The following DNAH11 variants were observed in gnomAD, a reference collection of about 807,000 sequenced individuals.
The protein encoded by DNAH11 is axonemal beta dynein heavy chain 11.
A neutral mutation model predicts 526.0 loss-of-function variants in DNAH11; 442 were observed. The observed-to-expected ratio is 0.84, with a 90% CI of 0.78 to 0.91. The LOEUF is 0.91. DNAH11 is among the 40% of genes least tolerant of loss of function. DNAH11 has a pLI of 0.00. For synonymous variants in DNAH11, 2,461 were observed against 1,935.9 expected, an observed-to-expected ratio of 1.27 and a Z score of -7.12; for missense variants, 6,989 against 5,448.7, an observed-to-expected ratio of 1.28 and a Z score of -8.90.
chr7:21,681,057 C>T (rs148634768), intron 30 of DNAH11, among the ~76,000 whole-genome samples: 2 of 152,284 alleles, frequency 1.3e-5, no homozygotes, highest in African/African-American at 2.4e-5. Flanking sequence ...TCTTGTCCTT[C>T]ATCTGTGTGA....
At chr7:21,780,243 A>G (rs1787879406) in intron 57 of DNAH11, among the ~76,000 whole-genome samples, 1 of 152,168 alleles carries the variant, frequency 6.6e-6, no homozygotes, top group Non-Finnish European at 1.5e-5. Context: ...AGATAAGTGG[A>G]GAATGTCCTT....
intron 65 of DNAH11, among the ~76,000 whole-genome samples, chr7:21,840,009 A>C (rs1782144901): frequency 6.6e-6 from 1 of 152,230 alleles, no homozygotes; most frequent in Non-Finnish European, 1.5e-5. Flanking sequence ...TTGTCTCATT[A>C]AAAATGTTTC....
At chr7:21,885,169 T>TGTAAAAAAAAAAAAAA (rs367811733) in intron 76 of DNAH11, among the ~76,000 whole-genome samples, 3 of 89,434 alleles carry the variant, frequency 3.4e-5, no homozygotes, top group Non-Finnish European at 7.0e-5. Flanking sequence ...CCAAATGAAC[T>TGTAAAAAAAAAAAAAA]ATAAAAAAAA....
rs1187362488 is a variant in DNAH11, at chr7:21,638,913, C to G, written c.4818-26C>G. ...TTAATGACTGAAGGGACAAGATATG[C>G]TTAAAAACATTTTTCATTCATGTAG... On this transcript the variant is annotated intron_variant, in intron 27 of 81. Transcript: ENST00000409508. The G allele has an allele frequency of 6.3e-6, 10 of 1,592,976 alleles. No individual in the cohort carries two copies. The East Asian group carries it at 2.2e-4, about 36-fold the overall frequency.
intron 74 of DNAH11, among the ~76,000 whole-genome samples, chr7:21,875,091 TTGAG>T (rs1783654008): frequency 1.3e-5 from 2 of 152,210 alleles, no homozygotes; most frequent in Non-Finnish European, 2.9e-5. Flanking sequence ...CATTAAATAA[TTGAG>T]TAATTTTTAT....
intron 14 of DNAH11, among the ~76,000 whole-genome samples, chr7:21,592,015 A>C (rs560720814): frequency 6.6e-6 from 1 of 152,210 alleles, no homozygotes; most frequent in African/African-American, 2.4e-5. Flanking sequence ...TTCCTAAAAC[A>C]GTAACAGGCA....
chr7:21,856,004 T>A (rs1053858131), intron 68 of DNAH11, among the ~76,000 whole-genome samples: 1 of 152,080 alleles, frequency 6.6e-6, no homozygotes, highest in African/African-American at 2.4e-5. Flanking sequence ...GACTTAGCTA[T>A]GTAAAGAGTG....
At chr7:21,704,898 C>T (rs929676463) in intron 38 of DNAH11, among the ~76,000 whole-genome samples, 3 of 152,120 alleles carry the variant, frequency 2.0e-5, no homozygotes, top group Admixed American at 1.3e-4. Flanking sequence ...GTTGGTTCTT[C>T]GAGACATGCA....
intron 5 of DNAH11, among the ~76,000 whole-genome samples, chr7:21,561,855 A>G (rs1202890380): frequency 6.6e-6 from 1 of 152,206 alleles, no homozygotes; most frequent in African/African-American, 2.4e-5. Flanking sequence ...AATAAAATAG[A>G]TAATATGGAC....
intron 29 of DNAH11, 38 bp from the exon 30 acceptor site, chr7:21,658,760 T>TTA (rs1169969417): frequency 1.3e-6 from 2 of 1,490,594 alleles, no homozygotes; most frequent in Non-Finnish European, 9.0e-7. Context: ...CCTTCCATAG[T>TTA]TAAGCCTGTG....
At chr7:21,709,229 A>G (rs1784376309) in intron 40 of DNAH11, among the ~76,000 whole-genome samples, 1 of 152,258 alleles carries the variant, frequency 6.6e-6, no homozygotes, top group Non-Finnish European at 1.5e-5. Flanking sequence ...ACACCATGGA[A>G]TACTATGTAG....
At chr7:21,555,138 A>G (rs999347363) in intron 2 of DNAH11, among the ~76,000 whole-genome samples, 4 of 152,050 alleles carry the variant, frequency 2.6e-5, no homozygotes, top group Admixed American at 1.3e-4. Flanking sequence ...AGTGTAGCCC[A>G]TCTCCTCTTG....
chr7:21,870,623 G>T (rs1001848359), intron 73 of DNAH11, among the ~76,000 whole-genome samples: 3 of 152,162 alleles, frequency 2.0e-5, no homozygotes, highest in Non-Finnish European at 4.4e-5. Context: ...GAGGGCTATA[G>T]TCATCCTCAA....
intron 14 of DNAH11, among the ~76,000 whole-genome samples, chr7:21,592,184 G>A (rs1784712724): frequency 6.6e-6 from 1 of 152,198 alleles, no homozygotes; most frequent in South Asian, 2.1e-4. Flanking sequence ...GTCAGAGGAA[G>A]TTAGCAAGAG....
chr7:21,693,020 T>C (rs950103371), intron 35 of DNAH11, among the ~76,000 whole-genome samples: 3 of 152,240 alleles, frequency 2.0e-5, no homozygotes, highest in African/African-American at 7.2e-5. Context: ...GATACATACA[T>C]TGCAAATATT....
At chr7:21,823,695 A>G (rs1005613651) in intron 65 of DNAH11, among the ~76,000 whole-genome samples, 1 of 152,210 alleles carries the variant, frequency 6.6e-6, no homozygotes, top group Non-Finnish European at 1.5e-5. Flanking sequence ...AACCAAAACA[A>G]AAACAGAGCA....
At chr7:21,751,167 C>A (rs1562525807) in intron 54 of DNAH11, among the ~76,000 whole-genome samples, 2 of 152,032 alleles carry the variant, frequency 1.3e-5, no homozygotes, top group Admixed American at 6.5e-5. Context: ...CTACTAAAAA[C>A]ACAAAAATTA....
intron 25 of DNAH11, among the ~76,000 whole-genome samples, chr7:21,621,120 G>C (rs1038733525): frequency 6.6e-6 from 1 of 152,088 alleles, no homozygotes; most frequent in Admixed American, 6.6e-5. Context: ...TCTAGTTCTA[G>C]ATCCCTGAGG....
chr7:21,774,798 G>T (rs1787599274), intron 56 of DNAH11, among the ~76,000 whole-genome samples: 1 of 152,152 alleles, frequency 6.6e-6, no homozygotes, highest in African/African-American at 2.4e-5. Flanking sequence ...TGAAGACTTT[G>T]AAGAGTAGCC....
Sources: gnomAD v4.1 joint callset for allele counts (sites outside exome capture counted in the v4.1 genomes callset) on GRCh38, gnomAD v4.1.1 for gene constraint, MANE v1.5 for transcripts, NCBI Gene and HGNC (gene_info 2026-07-23, HGNC 2026-07-21) for gene names.